UPF3A: variants seen among roughly 807,000 people sequenced by gnomAD.
The protein encoded by UPF3A is UPF3A regulator of nonsense mediated mRNA decay.
In UPF3A, 42 loss-of-function variants were observed where a neutral mutation model predicts 53.5. The ratio of observed to expected loss-of-function variants is 0.78; its 90% confidence interval spans 0.61 to 1.01. UPF3A has a LOEUF of 1.01. UPF3A is among the 50% of genes least tolerant of loss of function. The pLI, the probability that UPF3A is intolerant of heterozygous loss-of-function variation, is 0.00. For missense variants in UPF3A, 575 were observed against 598.0 expected (o/e 0.96, Z 0.40); for synonymous variants, 237 against 225.3 (o/e 1.05, Z -0.47).
At chr13:114,291,915 A>C in intron 7 of UPF3A, 123 bp downstream of exon 7, 1 of 1,267,802 alleles carries the variant, frequency 7.9e-7, no homozygotes, top group Non-Finnish European at 1.1e-6. Context: ...TTGTGTTGTT[A>C]TTTTTTTCCA....
chr13:114,298,519 G>A (rs531895940), intron 7 of UPF3A, among the ~76,000 whole-genome samples: 129 of 152,350 alleles, frequency 8.5e-4, no homozygotes, highest in African/African-American at 3.0e-3. Context: ...CAGCCTGGGC[G>A]ACAGAGCGAG....
At chr13:114,286,214 T>C (rs1385626162) in intron 3 of UPF3A, 88 bp from the exon 4 acceptor site, 1 of 1,535,492 alleles carries the variant, frequency 6.5e-7, no homozygotes, top group East Asian at 2.3e-5. Context: ...TTGTTACACT[T>C]ACTCTTTAAG....
intron 5 of UPF3A, among the ~76,000 whole-genome samples, chr13:114,288,378 A>G (rs1364471596): frequency 6.6e-6 from 1 of 152,186 alleles, no homozygotes; most frequent in African/African-American, 2.4e-5. Context: ...TGGAGCTGAG[A>G]CTGGCTGCGG....
rs763948700 is a variant in UPF3A at position 114,304,814 on chromosome 13, A to T, written c.1328A>T (p.Asp443Val). 8.7e-6 allele frequency: 14 copies of T among 1,613,620 alleles called. No homozygotes were observed. Among genetic ancestry groups the T allele is most frequent in the Middle Eastern group, 1.6e-4 (1 of 6,078 alleles). ...GACCGGCCAGCCTTGCAGCTGTATG[A>T]TCCAGGAGCTCGCTTCCGAGCGCGA... ...NKDRPALQLY[D>V]PGARFRAREC... Residue 443 changes from aspartate to valine, a missense_variant, in exon 10 of 10, where the codon GAT becomes GTT. Coordinates refer to ENST00000375299, the MANE Select transcript of UPF3A (RefSeq NM_023011.4).
At chr13:114,298,754 T>G in intron 7 of UPF3A, 86 bp from the exon 8 acceptor site, 2 of 1,278,020 alleles carry the variant, frequency 1.6e-6, no homozygotes, top group Non-Finnish European at 1.0e-6. Context: ...GCTTCAATAT[T>G]GGGGTATATT....
chr13:114,295,214 G>A (rs1004278993), intron 7 of UPF3A, among the ~76,000 whole-genome samples: 1 of 152,206 alleles, frequency 6.6e-6, no homozygotes, highest in Non-Finnish European at 1.5e-5. Context: ...TGGCCACATG[G>A]GTGAACACAC....
chr13:114,300,787 C>T (rs2086532125), intron 8 of UPF3A, among the ~76,000 whole-genome samples: 1 of 152,050 alleles, frequency 6.6e-6, no homozygotes. Context: ...GATCTGCCTG[C>T]CTTGGTCTCC....
intron 7 of UPF3A, among the ~76,000 whole-genome samples, chr13:114,297,026 T>A (rs2086110464): frequency 6.6e-6 from 1 of 152,202 alleles, no homozygotes; most frequent in South Asian, 2.1e-4. Context: ...TGTTCACAGC[T>A]GACATGGGGC....
rs1210533634 is a variant in UPF3A, at chr13:114,282,104, C to A, written c.291C>A (p.Phe97Leu). Residue 97 changes from phenylalanine (F) to leucine (L), a missense_variant, in exon 2 of 10, where the codon TTC becomes TTA. By Grantham distance (22) the Phe-to-Leu change is conservative (BLOSUM62 0). Coordinates refer to ENST00000375299, the MANE Select transcript of UPF3A (RefSeq NM_023011.4). ...GCCCGCTGCCAGCACACGACTACTT[C>A]GAGTTCTTCGCCGCCGACCTGAGGT... ...QLRPLPAHDY[F>L]EFFAADLSLY... is the part of the protein sequence containing the mutation. 3.8e-6 allele frequency: 6 copies of A among 1,573,250 alleles called. No individual in the cohort carries two copies. The highest frequency in any genetic ancestry group is 2.3e-5 in the East Asian group (1 of 42,674).
At chr13:114,297,438 T>TG (rs1352020524) in intron 7 of UPF3A, among the ~76,000 whole-genome samples, 3 of 151,992 alleles carry the variant, frequency 2.0e-5, no homozygotes, top group Non-Finnish European at 4.4e-5. Flanking sequence ...CTTTTAAAAA[T>TG]TTTTTTTTCC....
intron 7 of UPF3A, among the ~76,000 whole-genome samples, chr13:114,292,358 G>A (rs1275999728): frequency 6.7e-6 from 1 of 149,944 alleles, no homozygotes; most frequent in African/African-American, 2.5e-5. Flanking sequence ...GGCTCAAGGC[G>A]TACACGTGCA....
intron 8 of UPF3A, 76 bp from the exon 9 acceptor site, chr13:114,301,655 C>A: frequency 2.0e-6 from 3 of 1,480,682 alleles, no homozygotes; most frequent in Admixed American, 1.9e-5. Context: ...TGTCTGGGAA[C>A]CTGTGGTCTA....
Position 114,298,984 on chromosome 13 carries a change from G to A in UPF3A, c.991G>A (p.Glu331Lys), listed in dbSNP as rs3993410. The A allele has an allele frequency of 6.2e-7, 1 of 1,602,432 alleles. No homozygotes were observed. The highest frequency in any genetic ancestry group is 8.5e-7 in the Non-Finnish European group (1 of 1,176,482). Residue 331 changes from glutamate (E) to lysine (K), a missense_variant, in exon 8 of 10, where the codon GAG (glutamate) becomes AAG (lysine). Physicochemically the swap from Glu to Lys is moderately conservative, Grantham distance 56 (BLOSUM62 1). Coordinates refer to ENST00000375299, the MANE Select transcript of UPF3A (RefSeq NM_023011.4). ...VKARPMEGSL[E>K]EPQETSHSGS... ...AGCCAGGCCCATGGAAGGCTCGCTG[G>A]AGGAGCCCCAGGAGACGTGAGCGTG...
chr13:114,291,341 G>A (rs1323905764), intron 5 of UPF3A, 148 bp from the exon 6 acceptor site: 11 of 674,096 alleles, frequency 1.6e-5, no homozygotes, highest in African/African-American at 1.5e-4. Context: ...GACAGTAATG[G>A]AATAAAAACT....
chr13:114,281,916 G>A (rs1164620272), intron 1 of UPF3A, 70 bp downstream of exon 1: 7 of 1,097,380 alleles, frequency 6.4e-6, no homozygotes, highest in South Asian at 2.9e-5. Flanking sequence ...AGGGGAGGGA[G>A]GGGAGGGAGG....
chr13:114,281,604 G>C lies in UPF3A; in HGVS notation c.-36G>C, dbSNP rs1394020269. ...GGCCGAGCTCTCGCGAGGTTTCGTC[G>C]GGGGCTGGCGGCTGCGGCTCGGCGG... On this transcript the variant is annotated 5_prime_UTR_variant, in exon 1 of 10. Coordinates refer to ENST00000375299, the MANE Select transcript of UPF3A (RefSeq NM_023011.4). 1 of 1,388,666 alleles carries C rather than the reference G, an allele frequency of 7.2e-7. No individual in the cohort carries two copies. Among genetic ancestry groups the C allele is most frequent in the Non-Finnish European group, 9.3e-7 (1 of 1,074,442 alleles). 86.0% of individuals were successfully genotyped at this position (1,388,666 alleles called of 1,614,324 possible).
intron 7 of UPF3A, among the ~76,000 whole-genome samples, chr13:114,296,164 C>T (rs1275854025): frequency 6.6e-6 from 1 of 152,174 alleles, no homozygotes; most frequent in Non-Finnish European, 1.5e-5. Context: ...GCAGGTGGAT[C>T]CCGAGGTCAG....
In UPF3A at chr13:114,291,742, AAAG is replaced by A. The variant is rs2085290115; in HGVS notation, c.798_800del (p.Glu267del). 6.3e-7 allele frequency: 1 copy of A among 1,598,752 alleles called. No individual in the cohort carries two copies. The highest frequency in any genetic ancestry group is 8.5e-7 in the Non-Finnish European group (1 of 1,170,314). On this transcript the variant is annotated inframe_deletion, in exon 7 of 10. Coordinates refer to ENST00000375299, the MANE Select transcript of UPF3A (RefSeq NM_023011.4). The stretch of plus-strand genomic sequence containing the variant: ...AAGAGAAGAAGAAAGATGCAAAAAA[AAAG>A]AGACAGATAAACAGAAGAAAATTGC...
Position 114,301,867 on chromosome 13 carries a change from A to G in UPF3A, c.1144A>G (p.Ser382Gly). 1 of 1,612,456 alleles carries G rather than the reference A, an allele frequency of 6.2e-7. No individual in the cohort carries two copies. The highest frequency in any genetic ancestry group is 8.5e-7 in the Non-Finnish European group (1 of 1,179,402). Residue 382 changes from serine to glycine, a missense_variant, in exon 9 of 10, where the codon AGT becomes GGT. Around this residue, in one of 2 missense-constraint regions of UPF3A, gnomAD observed 323 missense variants for 415.2 expected, o/e 0.78. Transcript: ENST00000375299. ...CGAGCCTGAACGGCTTTCCAGAAGGAGTGAGGATGAGCAGAGATGGGGGAA... is the reference window on the plus strand; with the variant it reads ...CGAGCCTGAACGGCTTTCCAGAAGGGGTGAGGATGAGCAGAGATGGGGGAA... The part of the protein sequence containing the change: ...HHEPERLSRR[S>G]EDEQRWGKGP...
Sources: allele counts gnomAD v4.1 joint callset (sites outside exome capture counted in the v4.1 genomes callset), GRCh38; gene constraint gnomAD v4.1.1; regional missense constraint gnomAD v4.1.1; transcripts MANE v1.5; gene names NCBI Gene and HGNC (gene_info 2026-07-23, HGNC 2026-07-21).